Variants in HIVEP1 observed in about 807,000 individuals in gnomAD.
HIVEP1 encodes HIVEP zinc finger 1, also known as zinc finger protein 40.
In HIVEP1, 36 loss-of-function variants were observed where a neutral mutation model predicts 180.0. The ratio of observed to expected loss-of-function variants is 0.20; its 90% confidence interval spans 0.15 to 0.26. HIVEP1 has a LOEUF of 0.26. HIVEP1 is among the 10% of genes least tolerant of loss of function. The probability of loss-of-function intolerance (pLI) is 1.00; values close to 1 mark genes in which losing one functional copy is unlikely to be tolerated. For synonymous variants in HIVEP1, 1,239 were observed against 1,239.0 expected (o/e 1.00, Z 0.00); for missense variants, 3,143 against 3,268.7 (o/e 0.96, Z 0.94).
At chr6:12,024,485 T>C (rs572516155) in intron 2 of HIVEP1, among the ~76,000 whole-genome samples, 2 of 152,310 alleles carry the variant, frequency 1.3e-5, no homozygotes, top group South Asian at 2.1e-4. Context: ...CAAAGCTTGA[T>C]TTTTATGGTC....
At chr6:12,137,907 T>C (rs1322311339) in intron 7 of HIVEP1, among the ~76,000 whole-genome samples, 1 of 152,256 alleles carries the variant, frequency 6.6e-6, no homozygotes, top group Non-Finnish European at 1.5e-5. Context: ...TGTGTACTCA[T>C]GTATTAACAG....
chr6:12,023,942 G>A (rs1242739593), intron 2 of HIVEP1, among the ~76,000 whole-genome samples: 1 of 152,128 alleles, frequency 6.6e-6, no homozygotes, highest in Non-Finnish European at 1.5e-5. Flanking sequence ...GATAATTTGA[G>A]CAAGTCTGGG....
chr6:12,099,119 G>A (rs1773948715), intron 3 of HIVEP1, among the ~76,000 whole-genome samples: 1 of 151,876 alleles, frequency 6.6e-6, no homozygotes, highest in African/African-American at 2.4e-5. Flanking sequence ...GGAGCCCGAG[G>A]AGCAGACGCT....
At position 12,123,091 on chromosome 6, in the gene HIVEP1, G is replaced by A. The variant is rs1313593742; in HGVS notation, c.3296G>A (p.Gly1099Asp). ...TCCCATATTCACCTTGTTGCCAGGG[G>A]CCCTGAGCAGACCATGGATCCCAAG... Reference protein sequence around the residue: ...QNSHIHLVARGPEQTMDPKLS... With the variant: ...QNSHIHLVARDPEQTMDPKLS... The change falls in exon 4 of 9, where the codon GGC becomes GAC. Residue 1099 changes from glycine to aspartate, a missense_variant. Gly to Asp is a moderately conservative substitution (Grantham distance 94). Transcript: ENST00000379388. 1.2e-6 allele frequency: 2 copies of A among 1,614,118 alleles called. No individual in the cohort carries two copies. Among genetic ancestry groups the A allele is most frequent in the Non-Finnish European group, 1.7e-6 (2 of 1,180,018 alleles).
At chr6:12,162,362 C>G (rs925708846) in intron 8 of HIVEP1, among the ~76,000 whole-genome samples, 1 of 152,112 alleles carries the variant, frequency 6.6e-6, no homozygotes. Context: ...TGCACTTTGC[C>G]CCCATTGGCA....
chr6:12,136,072 T>C (rs1758688129), intron 7 of HIVEP1, among the ~76,000 whole-genome samples, 180 bp downstream of exon 7: 1 of 152,162 alleles, frequency 6.6e-6, no homozygotes, highest in Admixed American at 6.5e-5. Context: ...TCCTTCCTAT[T>C]CATCTATCCC....
the HIVEP1 span, among the ~76,000 whole-genome samples, chr6:12,174,723 G>A: frequency 2.0e-5 from 3 of 152,144 alleles, no homozygotes; most frequent in Admixed American, 6.5e-5. Flanking sequence ...ATGTTCTTTA[G>A]AATTTCAGTT....
At chr6:12,167,540 T>C (rs1760733437), downstream of HIVEP1, among the ~76,000 whole-genome samples, 1 of 130,406 alleles carries the variant, frequency 7.7e-6, no homozygotes, top group Admixed American at 8.2e-5. Flanking sequence ...TATATTTGTA[T>C]ATATATAATA....
chr6:12,042,167 C>T (rs1320260975), intron 2 of HIVEP1, among the ~76,000 whole-genome samples: 2 of 149,858 alleles, frequency 1.3e-5, no homozygotes, highest in Admixed American at 1.3e-4. Context: ...GCAAGCTCCG[C>T]TTCCCGGGTT....
chr6:12,090,734 C>CTTTTTT (rs1561929824), intron 3 of HIVEP1, among the ~76,000 whole-genome samples: 12 of 103,098 alleles, frequency 1.2e-4, no homozygotes, highest in African/African-American at 3.7e-4. Context: ...CTATAGCCAG[C>CTTTTTT]CTTTTTTTTT....
At chr6:12,018,184 G>A (rs1338547540) in intron 2 of HIVEP1, among the ~76,000 whole-genome samples, 1 of 152,210 alleles carries the variant, frequency 6.6e-6, no homozygotes, top group African/African-American at 2.4e-5. Context: ...CTCACTGCCC[G>A]GGGCCTGCCA....
intron 7 of HIVEP1, among the ~76,000 whole-genome samples, chr6:12,142,809 A>T (rs1759131707): frequency 6.6e-6 from 1 of 152,220 alleles, no homozygotes; most frequent in African/African-American, 2.4e-5. Flanking sequence ...TCCTGGACAC[A>T]TACACCCTCC....
intron 3 of HIVEP1, among the ~76,000 whole-genome samples, chr6:12,115,189 A>G (rs1245642380): frequency 2.6e-5 from 4 of 152,122 alleles, no homozygotes; most frequent in African/African-American, 4.8e-5. Flanking sequence ...ACTCTCTAGA[A>G]GTAATCCTGA....
chr6:12,026,061 T>C (rs995452552), intron 2 of HIVEP1, among the ~76,000 whole-genome samples: 1 of 151,178 alleles, frequency 6.6e-6, no homozygotes, highest in Non-Finnish European at 1.5e-5. Flanking sequence ...AAAAGAACAA[T>C]TTTTAAGGGA....
At chr6:12,130,252 A>G (rs1758344273) in intron 5 of HIVEP1, among the ~76,000 whole-genome samples, 1 of 152,264 alleles carries the variant, frequency 6.6e-6, no homozygotes, top group South Asian at 2.1e-4. Context: ...GAACAAAAAC[A>G]TCATAAAAGC....
Position 12,164,136 on chromosome 6 carries a change from C to CA in HIVEP1, c.7839dup (p.Val2614SerfsTer10), listed in dbSNP as rs1760597630. 2 of 1,614,068 alleles carry CA rather than the reference C, an allele frequency of 1.2e-6. No individual in the cohort carries two copies. Among genetic ancestry groups the CA allele is most frequent in the East Asian group, 2.2e-5 (1 of 44,868 alleles). On this transcript the variant is annotated frameshift_variant, in exon 9 of 9. Coordinates refer to ENST00000379388, the MANE Select transcript of HIVEP1 (RefSeq NM_002114.4). LOFTEE classifies it low-confidence loss of function (END_TRUNC). ...TTACCTACAGTCCAGCGGGAAAATG[C>CA]AAAAAAAGTTCTGAATCCACCTGCC...
intron 2 of HIVEP1, among the ~76,000 whole-genome samples, chr6:12,023,218 C>T (rs562609008): frequency 8.3e-4 from 127 of 152,298 alleles, no homozygotes; most frequent in African/African-American, 2.8e-3. Context: ...CATTTGCTAT[C>T]AATTGTGGGC....
At chr6:12,025,868 T>C (rs948619641) in intron 2 of HIVEP1, among the ~76,000 whole-genome samples, 1 of 152,090 alleles carries the variant, frequency 6.6e-6, no homozygotes, top group African/African-American at 2.4e-5. Context: ...GGCGAAACCC[T>C]GTCCCTACTA....
At chr6:12,072,076 A>ATTC (rs924185290) in intron 2 of HIVEP1, among the ~76,000 whole-genome samples, 1 of 139,800 alleles carries the variant, frequency 7.2e-6, no homozygotes, top group Non-Finnish European at 1.5e-5. Context: ...TTTGTCACAT[A>ATTC]TTCTTCTTCT....
Sources: allele counts gnomAD v4.1 joint callset (sites outside exome capture counted in the v4.1 genomes callset), GRCh38; gene constraint gnomAD v4.1.1; transcripts MANE v1.5; gene names NCBI Gene and HGNC (gene_info 2026-07-23, HGNC 2026-07-21).